Variants in LRRC8B observed in about 807,000 individuals in gnomAD.
LRRC8B encodes leucine rich repeat containing 8 VRAC subunit B.
A neutral mutation model predicts 58.8 loss-of-function variants in LRRC8B; 23 were observed. The observed-to-expected ratio is 0.39, with a 90% CI of 0.28 to 0.55. The LOEUF is 0.55. LRRC8B is among the 20% of genes least tolerant of loss of function. The pLI, the probability that LRRC8B is intolerant of heterozygous loss-of-function variation, is 0.62. For synonymous variants in LRRC8B, 359 were observed against 374.1 expected (o/e 0.96, Z 0.47); for missense variants, 694 against 936.0 (o/e 0.74, Z 3.37).
intron 1 of LRRC8B, among the ~76,000 whole-genome samples, chr1:89,544,112 A>G (rs1236851380): frequency 6.6e-6 from 1 of 152,232 alleles, no homozygotes; most frequent in East Asian, 1.9e-4. Context: ...TAAAATCTCT[A>G]TAAATGTCTG....
intron 1 of LRRC8B, among the ~76,000 whole-genome samples, chr1:89,547,911 T>G (rs890731105): frequency 2.6e-5 from 4 of 152,208 alleles, no homozygotes; most frequent in Non-Finnish European, 4.4e-5. Context: ...CTCAGAAGGC[T>G]ACTTGCAGCT....
Position 89,570,051 on chromosome 1 carries a change from C to T in LRRC8B, c.-125+1558C>T, listed in dbSNP as rs12066338. ...CCATGTCCCTTCAAAGGACATGATACCATTCTTTTTTATGGCTGCATGGTA... is the reference window on the plus strand; with the variant it reads ...CCATGTCCCTTCAAAGGACATGATATCATTCTTTTTTATGGCTGCATGGTA... On this transcript the variant is annotated intron_variant, in intron 3 of 5. Coordinates refer to ENST00000330947, the MANE Select transcript of LRRC8B (RefSeq NM_001369817.2). 5.5e-4 allele frequency among the ~76,000 whole-genome samples: 84 copies of T among 152,122 alleles called. 1 individual carries two copies. The highest frequency in any genetic ancestry group is 1.6e-3 in the African/African-American group (68 of 41,496).
Position 89,592,649 on chromosome 1 carries a change from G to A in LRRC8B, c.2140-122G>A, listed in dbSNP as rs575663428. The A allele has an allele frequency of 1.3e-4, 102 of 789,750 alleles. No individual in the cohort carries two copies. In the African/African-American group the frequency reaches 1.7e-3, roughly 13 times the overall value. The allele number at this position is 789,750 out of a possible 1,614,324, so 48.9% of individuals were successfully genotyped here. ...CTACTTCAAATTTATCATCATTGTA[G>A]TCTGCATCACTTATAAACCTCCAGA... On this transcript the variant is annotated intron_variant, in intron 5 of 5. Transcript: ENST00000330947.
chr1:89,568,671 T>G (rs1337014343), intron 3 of LRRC8B, among the ~76,000 whole-genome samples, 178 bp downstream of exon 3: 1 of 152,200 alleles, frequency 6.6e-6, no homozygotes, highest in African/African-American at 2.4e-5. Context: ...AAATTACATC[T>G]GTATACCTTT....
At chr1:89,574,959 G>C (rs1362629816) in intron 3 of LRRC8B, among the ~76,000 whole-genome samples, 1 of 152,190 alleles carries the variant, frequency 6.6e-6, no homozygotes, top group Non-Finnish European at 1.5e-5. Context: ...CAGCTAGACG[G>C]AAGGGCTTCT....
intron 1 of LRRC8B, among the ~76,000 whole-genome samples, chr1:89,545,478 A>G (rs1362531508): frequency 6.6e-6 from 1 of 152,220 alleles, no homozygotes; most frequent in African/African-American, 2.4e-5. Flanking sequence ...CTCTGTGTCC[A>G]GTCTTCTTTC....
chr1:89,581,118 C>T (rs540121375), intron 4 of LRRC8B, among the ~76,000 whole-genome samples: 3 of 151,936 alleles, frequency 2.0e-5, no homozygotes, highest in South Asian at 4.2e-4. Context: ...GGTGAAACCC[C>T]ATCTCCTGTC....
At position 89,569,253 on chromosome 1, in the gene LRRC8B, G is replaced by T. The variant is rs1653258228; in HGVS notation, c.-125+760G>T. On this transcript the variant is annotated intron_variant, in intron 3 of 5. Transcript: ENST00000330947. ...AGGTGAAGATCCTTTGACTTCTTAG[G>T]TATATTCACATTTCCATTCTGACTC... 2.0e-5 allele frequency among the ~76,000 whole-genome samples: 3 copies of T among 151,904 alleles called. No individual in the cohort carries two copies. The South Asian group carries it at 6.3e-4, about 32-fold the overall frequency.
intron 4 of LRRC8B, 116 bp from the exon 5 acceptor site, chr1:89,582,509 T>C: frequency 1.5e-6 from 1 of 648,660 alleles, no homozygotes; most frequent in Non-Finnish European, 2.7e-6. Context: ...TCCTTTTAGG[T>C]TTTACCCCAG....
At chr1:89,587,110 G>A (rs2101084059) in intron 5 of LRRC8B, among the ~76,000 whole-genome samples, 1 of 152,282 alleles carries the variant, frequency 6.6e-6, no homozygotes, top group East Asian at 1.9e-4. Context: ...TTCCCATATA[G>A]CATTCAAAGA....
chr1:89,581,654 T>G (rs1654233650), intron 4 of LRRC8B, among the ~76,000 whole-genome samples: 1 of 152,222 alleles, frequency 6.6e-6, no homozygotes. Flanking sequence ...AATCTTGTTT[T>G]CCTGAAGGCA....
chr1:89,526,450 A>G (rs1030449888), intron 1 of LRRC8B, among the ~76,000 whole-genome samples: 3 of 152,110 alleles, frequency 2.0e-5, no homozygotes, highest in African/African-American at 4.8e-5. Context: ...CCTGACCTCA[A>G]GTGACCCACC....
rs1654375467 is a variant in LRRC8B, at chr1:89,583,260, C to T, written c.610C>T (p.Gln204Ter). Residue 204 changes from glutamine to a stop codon, truncating the protein, a stop_gained, in exon 5 of 6, where the codon CAG becomes TAG. Coordinates refer to ENST00000330947, the MANE Select transcript of LRRC8B (RefSeq NM_001369817.2). LOFTEE classifies it high-confidence loss of function. This position sits in a 1 kb window ranked among gnomAD's most constrained non-coding sequence, Gnocchi z 5.2. ...TTCAGCTGACATAGATTCCGGCAAA[C>T]AGTCATTGCCCTACCCACAGCCAGG... ...GCSADIDSGK[Q>*]SLPYPQPGLE... 6.2e-7 allele frequency: 1 copy of T among 1,614,098 alleles called. No homozygotes were observed. The highest frequency in any genetic ancestry group is 8.5e-7 in the Non-Finnish European group (1 of 1,180,044).
chr1:89,530,381 T>TAATA (rs150494551), intron 1 of LRRC8B, among the ~76,000 whole-genome samples: 43,098 of 147,374 alleles, frequency 0.29, 6,912 homozygotes, highest in African/African-American at 0.39. Context: ...AATAAATAAA[T>TAATA]AATAAATAAA....
chr1:89,569,788 G>T lies in LRRC8B; in HGVS notation c.-125+1295G>T, dbSNP rs544047948. ...TATATTTGTGTCATGGGGGTTTGTG[G>T]TACATATTATTTTATCAACCAGGGA... On this transcript the variant is annotated intron_variant, in intron 3 of 5. Coordinates refer to ENST00000330947, the MANE Select transcript of LRRC8B (RefSeq NM_001369817.2). 8.2e-4 allele frequency among the ~76,000 whole-genome samples: 124 copies of T among 152,044 alleles called. 1 individual carries two copies. The highest frequency in any genetic ancestry group is 2.9e-3 in the African/African-American group (121 of 41,456).
chr1:89,562,788 G>T (rs1652780144), intron 1 of LRRC8B, among the ~76,000 whole-genome samples: 2 of 152,212 alleles, frequency 1.3e-5, no homozygotes, highest in South Asian at 4.1e-4. Context: ...ATTTAGTAAA[G>T]AAGACCTAAA....
chr1:89,597,821 T>C lies in LRRC8B; in HGVS notation c.*4778T>C, dbSNP rs991489396. 1.3e-5 allele frequency: 2 copies of C among 152,186 alleles called. No homozygotes were observed. Among genetic ancestry groups the C allele is most frequent in the Non-Finnish European group, 2.9e-5 (2 of 68,032 alleles). 9.4% of individuals were successfully genotyped at this position (152,186 alleles called of 1,614,324 possible). A position where few individuals can be genotyped will look rare whatever the true frequency, so the allele number is the denominator to read the frequency against. On this transcript the variant is annotated 3_prime_UTR_variant, in exon 6 of 6. Coordinates refer to ENST00000330947, the MANE Select transcript of LRRC8B (RefSeq NM_001369817.2). ...CCTTTTGTGTAAAATAAAGATCCAA[T>C]TTTTATAACAAATGGCAAATAAAAA...
chr1:89,526,537 TTC>T (rs1649712087), intron 1 of LRRC8B, among the ~76,000 whole-genome samples: 1 of 152,146 alleles, frequency 6.6e-6, no homozygotes, highest in Non-Finnish European at 1.5e-5. Context: ...CGAGGTGACT[TTC>T]TTTTTCTCCT....
chr1:89,578,615 A>G (rs1219219970), intron 3 of LRRC8B, among the ~76,000 whole-genome samples: 3 of 152,204 alleles, frequency 2.0e-5, no homozygotes, highest in Admixed American at 1.3e-4. Flanking sequence ...AATTTTTGAT[A>G]TTTGAAATGA....
Sources: gnomAD v4.1 joint callset for allele counts (sites outside exome capture counted in the v4.1 genomes callset) on GRCh38, gnomAD v4.1.1 for gene constraint, Gnocchi (gnomAD v3.1) non-coding constraint, MANE v1.5 for transcripts, NCBI Gene and HGNC (gene_info 2026-07-23, HGNC 2026-07-21) for gene names.